The following GRTP1 variants were observed in gnomAD, a reference collection of about 807,000 sequenced individuals.
GRTP1 encodes the protein growth hormone-regulated TBC protein 1.
In GRTP1, 56 loss-of-function variants were observed where a neutral mutation model predicts 38.1. That is an observed-to-expected ratio of 1.47 (90% CI 1.19 to 1.84). The LOEUF is 1.84. Ranked by LOEUF, GRTP1 falls within the 40% of genes most tolerant of loss-of-function variation. The pLI, the probability that GRTP1 is intolerant of heterozygous loss-of-function variation, is 0.00. For synonymous variants in GRTP1, 217 were observed against 189.5 expected (o/e 1.14, Z -1.19); for missense variants, 506 against 453.9 (o/e 1.11, Z -1.04).
chr13:113,340,890 A>G (rs1276599017), intron 5 of GRTP1, among the ~76,000 whole-genome samples: 1 of 152,186 alleles, frequency 6.6e-6, no homozygotes. Context: ...GCACACACCC[A>G]TCAGATGTTC....
intron 4 of GRTP1, 127 bp from the exon 5 acceptor site, chr13:113,345,086 C>A: frequency 9.8e-7 from 1 of 1,016,864 alleles, no homozygotes. Flanking sequence ...TGCATAATTG[C>A]AGAATGATCC....
chr13:113,324,552 A>G lies in GRTP1; in HGVS notation c.947T>C (p.Leu316Ser). 1.2e-6 allele frequency: 2 copies of G among 1,611,266 alleles called. No individual in the cohort carries two copies. The highest frequency in any genetic ancestry group is 1.7e-6 in the Non-Finnish European group (2 of 1,178,892). The stretch of plus-strand genomic sequence containing the variant: ...GAGCTTGGCGACGGTGGCCATGGAT[A>G]AGCTTCCAGGTTCTGAAAATATTTT... ...MQKIFSEPGS[L>S]SMATVAKLRE... Residue 316 changes from leucine to serine, a missense_variant, in exon 8 of 8, where the codon TTA (leucine) becomes TCA (serine). Leu to Ser is a moderately radical substitution (Grantham distance 145). Transcript: ENST00000375431.
At position 113,355,703 on chromosome 13, in the gene GRTP1, C is replaced by T. The variant is rs193242848; in HGVS notation, c.182-222G>A. On this transcript the variant is annotated intron_variant, in intron 2 of 7. Transcript: ENST00000375431. ...GCACAAACCAGACTGGCTACAGAAC[C>T]GCCCCCACGCCCACTTCACCATTCA... 9 of 411,902 alleles carry T rather than the reference C, an allele frequency of 2.2e-5. No homozygotes were observed. The Admixed American group carries it at 2.5e-4, about 12-fold the overall frequency. The allele number at this position is 411,902 out of a possible 1,614,324, so 25.5% of individuals were successfully genotyped here.
Position 113,362,387 on chromosome 13 carries a change from C to T in GRTP1, c.181+1375G>A, listed in dbSNP as rs547977575. Reference sequence around the variant, plus strand: ...AGGAAAAATAAAGACACACGTTCCACTGGAAACATGTGAACATGCAGAGGC... The same window carrying T: ...AGGAAAAATAAAGACACACGTTCCATTGGAAACATGTGAACATGCAGAGGC... On this transcript the variant is annotated intron_variant, in intron 2 of 7. Coordinates refer to ENST00000375431, the MANE Select transcript of GRTP1 (RefSeq NM_024719.4). 3.9e-5 allele frequency among the ~76,000 whole-genome samples: 6 copies of T among 152,266 alleles called. No homozygotes were observed. The South Asian group carries it at 1.2e-3, about 32-fold the overall frequency.
chr13:113,347,585 T>C (rs1384727408), intron 4 of GRTP1, among the ~76,000 whole-genome samples: 14 of 76,588 alleles, frequency 1.8e-4, no homozygotes, highest in African/African-American at 6.2e-4. Context: ...AGGACCTCTG[T>C]GGCTGAGAAC....
chr13:113,356,781 A>G (rs1195990809), intron 2 of GRTP1, among the ~76,000 whole-genome samples: 2 of 152,174 alleles, frequency 1.3e-5, no homozygotes, highest in Non-Finnish European at 2.9e-5. Context: ...TTCCAAGGTG[A>G]TCCACAATGT....
chr13:113,338,905 T>C (rs1397010800), intron 5 of GRTP1, among the ~76,000 whole-genome samples: 3 of 131,318 alleles, frequency 2.3e-5, no homozygotes, highest in Non-Finnish European at 4.7e-5. Flanking sequence ...TTTTTCTGCT[T>C]AGATTTTTTT....
intron 7 of GRTP1, chr13:113,325,143 C>T: frequency 9.7e-7 from 1 of 1,029,624 alleles, no homozygotes. Context: ...ATGGTCTTCT[C>T]TTTGATGAAG....
intron 4 of GRTP1, among the ~76,000 whole-genome samples, chr13:113,346,524 GCA>G (rs1420816346): frequency 0.03 from 283 of 9,554 alleles, 77 homozygotes; most frequent in African/African-American, 0.03. Flanking sequence ...GTGGCAAAGA[GCA>G]GACCCGGGAG....
chr13:113,324,887 C>T (rs996831236), intron 7 of GRTP1: 9 of 858,704 alleles, frequency 1.0e-5, no homozygotes, highest in South Asian at 3.8e-5. Context: ...AGTGCAGTGG[C>T]GCGATCTCGG....
Position 113,342,171 on chromosome 13 carries a change from CT to C in GRTP1, c.562+2691del, listed in dbSNP as rs1008272661. Among the ~76,000 whole-genome samples the C allele has an allele frequency of 3.9e-5, 6 of 152,018 alleles. No individual in the cohort carries two copies. Among genetic ancestry groups the C allele is most frequent in the African/African-American group, 1.5e-4 (6 of 41,376 alleles). On this transcript the variant is annotated intron_variant, in intron 5 of 7. Coordinates refer to ENST00000375431, the MANE Select transcript of GRTP1 (RefSeq NM_024719.4). The surrounding 1 kb of genome is among the most constrained non-coding windows in gnomAD (Gnocchi z 4.5). ...TTGGCCAGGCTGGTCTTGAACTCCC[CT>C]AAATGCCTGCCTCGGTCTTGCAAAG... is the stretch of plus-strand genomic sequence containing the variant.
rs376043695 is a variant in GRTP1 at position 113,350,864 on chromosome 13, T to C, written c.450A>G (p.Gly150=). The change falls in exon 4 of 8, where the codon GGA becomes GGG. Residue 150 remains glycine, a synonymous_variant. Transcript: ENST00000375431. ...VLLAYGHHNQ[G]VGYCQGMNFI... is the part of the protein sequence containing the mutation. ...CGAGGCTCACCTGGCAGTAGCCCAC[T>C]CCCTGGTTATGGTGCCCATATGCCA... is the stretch of plus-strand genomic sequence containing the variant. 36 of 1,578,176 alleles carry C rather than the reference T, an allele frequency of 2.3e-5. No individual in the cohort carries two copies. Among genetic ancestry groups the C allele is most frequent in the Non-Finnish European group, 2.9e-5 (33 of 1,154,150 alleles).
chr13:113,352,381 T>C (rs1227332175), intron 3 of GRTP1, among the ~76,000 whole-genome samples: 1 of 136,618 alleles, frequency 7.3e-6, no homozygotes, highest in Non-Finnish European at 1.5e-5. Context: ...TATATATTTA[T>C]ATATATATTT....
chr13:113,350,593 G>T (rs551828913), intron 4 of GRTP1, among the ~76,000 whole-genome samples: 2 of 118,162 alleles, frequency 1.7e-5, no homozygotes, highest in East Asian at 6.8e-4. Context: ...ACCCCACAGC[G>T]CACGCACCCC....
Position 113,329,353 on chromosome 13 carries a change from A to G in GRTP1, c.563-3262T>C, listed in dbSNP as rs570379623. Among the ~76,000 whole-genome samples, 16 of 152,282 alleles carry G rather than the reference A, an allele frequency of 1.1e-4. No individual in the cohort carries two copies. The South Asian group carries it at 1.9e-3, about 18-fold the overall frequency. ...AGCACTTTGGGAGGCTGAGACGGGT[A>G]GATCACCTGAGGTCAGAAGTTTGAG... On this transcript the variant is annotated intron_variant, in intron 5 of 7. Transcript: ENST00000375431.
At chr13:113,325,567 C>T in intron 7 of GRTP1, 94 bp downstream of exon 7, 1 of 1,600,068 alleles carries the variant, frequency 6.2e-7, no homozygotes, top group African/African-American at 1.3e-5. Context: ...TGGTGCCCGT[C>T]CTGTGCACCC....
intron 5 of GRTP1, among the ~76,000 whole-genome samples, chr13:113,344,517 C>T (rs1340426227): frequency 6.6e-6 from 1 of 152,050 alleles, no homozygotes; most frequent in Non-Finnish European, 1.5e-5. Context: ...AGTTTGAGAC[C>T]AGCCTGACCA....
intron 2 of GRTP1, 65 bp downstream of exon 2, chr13:113,363,686 AGCCCGGACTTT>A (rs1430967853): frequency 6.4e-6 from 9 of 1,415,066 alleles, no homozygotes; most frequent in Non-Finnish European, 7.7e-6. Context: ...CCGCTCCGGG[AGCCCGGACTTT>A]GCCCGGCCCG....
In GRTP1 at chr13:113,342,948, T is replaced by A. The variant is rs375153633; in HGVS notation, c.562+1915A>T. On this transcript the variant is annotated intron_variant, in intron 5 of 7. Coordinates refer to ENST00000375431, the MANE Select transcript of GRTP1 (RefSeq NM_024719.4). This position sits in a 1 kb window ranked among gnomAD's most constrained non-coding sequence, Gnocchi z 4.5. Reference sequence around the variant, plus strand: ...ACACCAGCACGGCGGGGCCTGCTCCTGCCCTCTAGGTTGGTGCTGAGCCCT... The same window carrying A: ...ACACCAGCACGGCGGGGCCTGCTCCAGCCCTCTAGGTTGGTGCTGAGCCCT... Among the ~76,000 whole-genome samples, 164 of 152,240 alleles carry A rather than the reference T, an allele frequency of 1.1e-3. No homozygotes were observed. Among genetic ancestry groups the A allele is most frequent in the African/African-American group, 3.8e-3 (159 of 41,530 alleles).
Sources: allele counts gnomAD v4.1 joint callset (sites outside exome capture counted in the v4.1 genomes callset), GRCh38; gene constraint gnomAD v4.1.1; non-coding constraint Gnocchi (gnomAD v3.1); transcripts MANE v1.5; gene names NCBI Gene and HGNC (gene_info 2026-07-23, HGNC 2026-07-21).